SHCBP1L: variants seen among roughly 807,000 people sequenced by gnomAD.
SHCBP1L encodes the protein SHC binding and spindle associated 1 like.
SHCBP1L carries 67 observed loss-of-function variants against 62.5 expected under a neutral mutation model. That is an observed-to-expected ratio of 1.07 (90% CI 0.88 to 1.31). The LOEUF (loss-of-function observed/expected upper bound fraction) is 1.31. Among genes scored for constraint, SHCBP1L ranks in the 40% most tolerant of loss-of-function variants. The pLI, the probability that SHCBP1L is intolerant of heterozygous loss-of-function variation, is 0.00. For synonymous variants in SHCBP1L, 284 were observed against 289.4 expected (o/e 0.98, Z 0.19); for missense variants, 823 against 809.8 (o/e 1.02, Z -0.20).
intron 6 of SHCBP1L, among the ~76,000 whole-genome samples, chr1:182,921,093 G>A (rs752378252): frequency 1.3e-5 from 2 of 152,066 alleles, no homozygotes; most frequent in East Asian, 1.9e-4. Flanking sequence ...CAAGGTCAAC[G>A]TGAAAGAAAA....
intron 5 of SHCBP1L, among the ~76,000 whole-genome samples, chr1:182,930,551 GT>G (rs1650938767): frequency 2.0e-5 from 1 of 49,470 alleles, no homozygotes; most frequent in East Asian, 5.5e-4. Flanking sequence ...TAGTGTGTGT[GT>G]ATATATATAT....
intron 6 of SHCBP1L, among the ~76,000 whole-genome samples, chr1:182,924,504 G>A (rs1205192502): frequency 6.6e-6 from 1 of 151,418 alleles, no homozygotes; most frequent in Non-Finnish European, 1.5e-5. Flanking sequence ...CACCGTGTTA[G>A]CCAGGATAGT....
chr1:182,942,204 T>C, intron 2 of SHCBP1L: 4 of 1,261,314 alleles, frequency 3.2e-6, no homozygotes, highest in Non-Finnish European at 4.7e-6. Context: ...GTTTCTTGGT[T>C]AGCCACTTCG....
chr1:182,946,846 C>T (rs1450229168), intron 2 of SHCBP1L, among the ~76,000 whole-genome samples: 1 of 152,120 alleles, frequency 6.6e-6, no homozygotes, highest in Non-Finnish European at 1.5e-5. Flanking sequence ...AATAATTGTC[C>T]TGTCTTCATT....
chr1:182,912,633 C>T (rs991842595), intron 6 of SHCBP1L, among the ~76,000 whole-genome samples: 2 of 151,966 alleles, frequency 1.3e-5, no homozygotes, highest in Non-Finnish European at 1.5e-5. Context: ...AGTGATTCTC[C>T]TGCCTCAGCC....
chr1:182,935,073 A>G (rs74129626), intron 5 of SHCBP1L, among the ~76,000 whole-genome samples: 1 of 151,824 alleles, frequency 6.6e-6, no homozygotes, highest in Non-Finnish European at 1.5e-5. Flanking sequence ...CTATTCTTTG[A>G]CTTATACCAT....
chr1:182,906,220 G>A (rs1488373697), intron 6 of SHCBP1L, among the ~76,000 whole-genome samples: 1 of 151,962 alleles, frequency 6.6e-6, no homozygotes, highest in Non-Finnish European at 1.5e-5. Flanking sequence ...ACAGGCATAA[G>A]CCACCGTGCC....
In SHCBP1L at chr1:182,904,297, C is replaced by T; in HGVS notation, c.1470G>A (p.Val490=). The change falls in exon 8 of 10, where the codon GTG becomes GTA. Residue 490 remains valine, a synonymous_variant. Coordinates refer to ENST00000367547, the MANE Select transcript of SHCBP1L (RefSeq NM_030933.4). ...CTAGAGTCATGTGACCAGACTCCAC[C>T]ACCACGATACCATCAACCGTCCCTT... The part of the protein sequence containing the change: ...IQQGTVDGIV[V]VESGHMTLEN... 2 of 1,614,146 alleles carry T rather than the reference C, an allele frequency of 1.2e-6. No individual in the cohort carries two copies. Among genetic ancestry groups the T allele is most frequent in the Middle Eastern group, 1.6e-4 (1 of 6,062 alleles).
chr1:182,929,672 A>G lies in SHCBP1L; in HGVS notation c.1157T>C (p.Val386Ala). ...REFGKTITHI[V>A]AKMMTTEMIK... ...CATTTCAGTAGTCATCATTTTTGCT[A>G]CAATATGTGTTATAGTCTTTCCAAA... Residue 386 changes from valine to alanine, a missense_variant, in exon 6 of 10, where the codon GTA (valine) becomes GCA (alanine). Transcript: ENST00000367547. 6.4e-7 allele frequency: 1 copy of G among 1,574,696 alleles called. No individual in the cohort carries two copies. The highest frequency in any genetic ancestry group is 8.6e-7 in the Non-Finnish European group (1 of 1,168,052).
At chr1:182,942,363 T>C in intron 2 of SHCBP1L, 2 of 770,500 alleles carry the variant, frequency 2.6e-6, no homozygotes, top group Admixed American at 3.5e-5. Context: ...GGCTCTTCCT[T>C]GGCGGCCCCT....
At chr1:182,932,319 A>T (rs905731968) in intron 5 of SHCBP1L, among the ~76,000 whole-genome samples, 1 of 152,150 alleles carries the variant, frequency 6.6e-6, no homozygotes, top group Non-Finnish European at 1.5e-5. Flanking sequence ...ATCAAGGAAC[A>T]TGATTGCTGG....
At chr1:182,907,709 G>C (rs2101921789) in intron 6 of SHCBP1L, among the ~76,000 whole-genome samples, 1 of 152,058 alleles carries the variant, frequency 6.6e-6, no homozygotes, top group South Asian at 2.1e-4. Context: ...CTCCCGAGTA[G>C]CTGGGACTAT....
chr1:182,942,420 C>A, intron 2 of SHCBP1L: 1 of 702,978 alleles, frequency 1.4e-6, no homozygotes, highest in Non-Finnish European at 2.6e-6. Context: ...GCAGGCAGGG[C>A]GCGTGCCGGG....
chr1:182,951,844 T>G (rs1651753519), intron 1 of SHCBP1L: 2 of 309,382 alleles, frequency 6.5e-6, no homozygotes, highest in South Asian at 4.8e-5. Context: ...TTTTATCAGA[T>G]ATGTATTTTC....
chr1:182,951,172 T>G (rs969380806), intron 2 of SHCBP1L, 146 bp downstream of exon 2: 35 of 584,060 alleles, frequency 6.0e-5, no homozygotes, highest in Non-Finnish European at 9.0e-5. Flanking sequence ...CTAACCTTCT[T>G]TTTACACTAT....
At chr1:182,921,158 C>A (rs1283118977) in intron 6 of SHCBP1L, among the ~76,000 whole-genome samples, 2 of 152,166 alleles carry the variant, frequency 1.3e-5, no homozygotes, top group Non-Finnish European at 2.9e-5. Flanking sequence ...GGAATCCTAT[C>A]AAGCTAACAG....
chr1:182,902,839 G>T (rs1433439933), intron 9 of SHCBP1L, among the ~76,000 whole-genome samples, 200 bp downstream of exon 9: 1 of 152,134 alleles, frequency 6.6e-6, no homozygotes, highest in Admixed American at 6.5e-5. Context: ...TTTGCAAAGA[G>T]TTTAAGTACA....
chr1:182,952,199 TATA>T (rs1651787550), intron 1 of SHCBP1L, among the ~76,000 whole-genome samples: 2 of 19,050 alleles, frequency 1.0e-4, no homozygotes, highest in African/African-American at 3.9e-4. Flanking sequence ...AAAATATATA[TATA>T]TATATATATA....
At chr1:182,922,796 AG>A (rs1342090266) in intron 6 of SHCBP1L, among the ~76,000 whole-genome samples, 2 of 152,182 alleles carry the variant, frequency 1.3e-5, no homozygotes, top group African/African-American at 2.4e-5. Flanking sequence ...TCACATCAAA[AG>A]GTTAGAAAGA....
Sources: gnomAD v4.1 joint callset for allele counts (sites outside exome capture counted in the v4.1 genomes callset) on GRCh38, gnomAD v4.1.1 for gene constraint, MANE v1.5 for transcripts, NCBI Gene and HGNC (gene_info 2026-07-23, HGNC 2026-07-21) for gene names.